The following C16orf95 variants were observed in gnomAD, a reference collection of about 807,000 sequenced individuals.
C16orf95 encodes the protein uncharacterized protein C16orf95.
Under a neutral mutation model 32.1 loss-of-function variants are expected in C16orf95, and 41 were observed. That is an observed-to-expected ratio of 1.28 (90% CI 1.00 to 1.66). C16orf95 has a LOEUF of 1.66. Among genes scored for constraint, C16orf95 ranks in the 40% most tolerant of loss-of-function variants. C16orf95 has a pLI of 0.00. For missense variants in C16orf95, 399 were observed against 325.9 expected (o/e 1.22, Z -1.73); for synonymous variants, 147 against 128.9 (o/e 1.14, Z -0.95).
chr16:87,305,218 G>A lies in C16orf95; in HGVS notation c.701+501C>T, dbSNP rs74038417. Among the ~76,000 whole-genome samples the A allele has an allele frequency of 0.2, 31,138 of 152,104 alleles. 3,320 individuals are homozygous for A. Among genetic ancestry groups the A allele is most frequent in the South Asian group, 0.32 (1,539 of 4,816 alleles). On this transcript the variant is annotated intron_variant, in intron 6 of 6. Transcript: ENST00000567970. The surrounding 1 kb of genome is among the most constrained non-coding windows in gnomAD (Gnocchi z 4.2). ...TGTGGGCAGCAAGGGTGCCAGGGGC[G>A]AAACTCGAAGCCTGGGCGAGGATAG... is the stretch of plus-strand genomic sequence containing the variant.
intron 3 of C16orf95, among the ~76,000 whole-genome samples, chr16:87,314,626 A>C (rs1053992772): frequency 2.6e-5 from 4 of 152,208 alleles, no homozygotes; most frequent in African/African-American, 9.6e-5. Flanking sequence ...GGCAAGACTT[A>C]CCACATTGTA....
chr16:87,314,946 A>G, intron 3 of C16orf95, 25 bp downstream of exon 3: 2 of 1,533,952 alleles, frequency 1.3e-6, no homozygotes, highest in Non-Finnish European at 1.7e-6. Flanking sequence ...CCCTAGGGGA[A>G]GACCTCCTGG....
At chr16:87,309,246 A>G (rs996957829) in intron 5 of C16orf95, among the ~76,000 whole-genome samples, 6 of 152,154 alleles carry the variant, frequency 3.9e-5, no homozygotes, top group Middle Eastern at 3.4e-3. Context: ...TAGCACCTCA[A>G]ATTAGATCCT....
chr16:87,313,428 AT>A (rs1487096776), intron 3 of C16orf95, among the ~76,000 whole-genome samples: 1 of 152,174 alleles, frequency 6.6e-6, no homozygotes, highest in African/African-American at 2.4e-5. Flanking sequence ...AGGCAGTGTA[AT>A]TTATTAAGAA....
Position 87,305,857 on chromosome 16 carries a change from C to A in C16orf95, c.563G>T (p.Gly188Val). The A allele has an allele frequency of 6.9e-7, 1 of 1,454,398 alleles. No homozygotes were observed. The allele number at this position is 1,454,398 out of a possible 1,614,324, so 90.1% of individuals were successfully genotyped here. The change falls in exon 6 of 7, where the codon GGT becomes GTT. Residue 188 changes from glycine to valine, a missense_variant. Physicochemically the swap from Gly to Val is moderately radical, Grantham distance 109. Coordinates refer to ENST00000567970, the MANE Select transcript of C16orf95 (RefSeq NM_001195124.3). The surrounding 1 kb of genome is among the most constrained non-coding windows in gnomAD (Gnocchi z 4.2). ...CCWHNCWRIC[G>V]DECLLSKFQQ... is the part of the protein sequence containing the mutation. The stretch of plus-strand genomic sequence containing the variant: ...GAACTTGGACAACAGGCACTCATCA[C>A]CGCAGATCCGCCAGCAGTTGTGCCA...
chr16:87,305,954 CTG>C lies in C16orf95; in HGVS notation c.515-51_515-50del. ...AGGACAGGGCGTGTTCTCCGGGACT[CTG>C]TGAGCCACGAGGAGGCTGCAACACC... On this transcript the variant is annotated intron_variant, in intron 5 of 6. Transcript: ENST00000567970. This position sits in a 1 kb window ranked among gnomAD's most constrained non-coding sequence, Gnocchi z 4.2. 5 of 1,338,510 alleles carry C rather than the reference CTG, an allele frequency of 3.7e-6. No homozygotes were observed. Among genetic ancestry groups the C allele is most frequent in the African/African-American group, 1.5e-5 (1 of 64,896 alleles). The allele number at this position is 1,338,510 out of a possible 1,614,324, so 82.9% of individuals were successfully genotyped here. A position where few individuals can be genotyped will look rare whatever the true frequency, so the allele number is the denominator to read the frequency against.
rs532992225 is a variant in C16orf95 at position 87,305,713 on chromosome 16, G to A, written c.701+6C>T. Reference sequence around the variant, plus strand: ...ACCCACTGTCCCCCATCCCCCACCTGCTCACCGAATGGCCATGATGACCCT... The same window carrying A: ...ACCCACTGTCCCCCATCCCCCACCTACTCACCGAATGGCCATGATGACCCT... On this transcript the variant is annotated splice_donor_region_variant and intron_variant, in intron 6 of 6. Coordinates refer to ENST00000567970, the MANE Select transcript of C16orf95 (RefSeq NM_001195124.3). This position sits in a 1 kb window ranked among gnomAD's most constrained non-coding sequence, Gnocchi z 4.2. 2.7e-6 allele frequency: 4 copies of A among 1,496,194 alleles called. No individual in the cohort carries two copies. Among genetic ancestry groups the A allele is most frequent in the African/African-American group, 2.9e-5 (2 of 70,114 alleles). The allele number at this position is 1,496,194 out of a possible 1,614,324, so 92.7% of individuals were successfully genotyped here. A position where few individuals can be genotyped will look rare whatever the true frequency, so the allele number is the denominator to read the frequency against.
intron 1 of C16orf95, 131 bp from the exon 2 acceptor site, chr16:87,315,954 G>T (rs923716676): frequency 5.9e-6 from 3 of 507,950 alleles, no homozygotes; most frequent in Admixed American, 3.9e-5. Context: ...GGGATGGGGG[G>T]ATCCTCTGAG....
chr16:87,310,838 G>A (rs149735583), intron 4 of C16orf95, among the ~76,000 whole-genome samples: 1 of 152,274 alleles, frequency 6.6e-6, no homozygotes, highest in Non-Finnish European at 1.5e-5. Context: ...TGCAGAGGGG[G>A]AGGAAGAGAG....
rs1315977775 is a variant in C16orf95 at position 87,305,721 on chromosome 16, A to G, written c.699T>C (p.Ile233=). ...TCCCCCATCCCCCACCTGCTCACCGAATGGCCATGATGACCCTCGGGATGG... is the reference window on the plus strand; with the variant it reads ...TCCCCCATCCCCCACCTGCTCACCGGATGGCCATGATGACCCTCGGGATGG... ...LQAIPRVIMA[I]RQCFGV is the part of the protein sequence containing the mutation. Residue 233 remains isoleucine, a splice_region_variant and synonymous_variant, in exon 6 of 7, where the codon ATT becomes ATC. Coordinates refer to ENST00000567970, the MANE Select transcript of C16orf95 (RefSeq NM_001195124.3). This position sits in a 1 kb window ranked among gnomAD's most constrained non-coding sequence, Gnocchi z 4.2. The G allele has an allele frequency of 1.3e-6, 2 of 1,502,642 alleles. No individual in the cohort carries two copies. Among genetic ancestry groups the G allele is most frequent in the Non-Finnish European group, 8.8e-7 (1 of 1,131,424 alleles). 93.1% of individuals were successfully genotyped at this position (1,502,642 alleles called of 1,614,324 possible).
At chr16:87,306,988 C>T (rs368432811) in intron 5 of C16orf95, among the ~76,000 whole-genome samples, 13 of 152,294 alleles carry the variant, frequency 8.5e-5, no homozygotes, top group South Asian at 2.1e-4. Context: ...TGTGATTCTA[C>T]GGTTCGAAGA....
chr16:87,306,156 A>C (rs150038719), intron 5 of C16orf95: 30 of 358,396 alleles, frequency 8.4e-5, no homozygotes, highest in African/African-American at 5.7e-4. Context: ...CAGCATATGG[A>C]ACATGTGCAA....
intron 3 of C16orf95, among the ~76,000 whole-genome samples, chr16:87,312,556 G>T (rs570607265): frequency 9.1e-4 from 115 of 125,978 alleles, no homozygotes; most frequent in African/African-American, 3.3e-3. Flanking sequence ...GCAGCAGAGT[G>T]AGACTCCATC....
chr16:87,307,256 G>C (rs1911069698), intron 5 of C16orf95, among the ~76,000 whole-genome samples: 1 of 152,162 alleles, frequency 6.6e-6, no homozygotes, highest in Non-Finnish European at 1.5e-5. Flanking sequence ...ATCAAGTCTA[G>C]CCTACTCCTT....
chr16:87,303,343 C>G (rs535682817), intron 6 of C16orf95: 2 of 482,768 alleles, frequency 4.1e-6, no homozygotes, highest in Non-Finnish European at 7.6e-6. Flanking sequence ...GCTGGCTTTG[C>G]AGAACTGTGA....
Position 87,305,984 on chromosome 16 carries a change from C to T in C16orf95, c.515-79G>A. 8.8e-7 allele frequency: 1 copy of T among 1,141,292 alleles called. No individual in the cohort carries two copies. Among genetic ancestry groups the T allele is most frequent in the Admixed American group, 3.8e-5 (1 of 26,192 alleles). The allele number at this position is 1,141,292 out of a possible 1,614,324, so 70.7% of individuals were successfully genotyped here. On this transcript the variant is annotated intron_variant, in intron 5 of 6. Coordinates refer to ENST00000567970, the MANE Select transcript of C16orf95 (RefSeq NM_001195124.3). This position sits in a 1 kb window ranked among gnomAD's most constrained non-coding sequence, Gnocchi z 4.2. ...AGCCACGAGGAGGCTGCAACACCAG[C>T]CCCAGAGCCTCCGGGAAATGGGGAC...
chr16:87,308,473 TCTCAATAAATAAATAA>T (rs1231234499), intron 5 of C16orf95, among the ~76,000 whole-genome samples: 1 of 141,802 alleles, frequency 7.1e-6, no homozygotes, highest in Non-Finnish European at 1.5e-5. Context: ...TGAGACTGCA[TCTCAATAAATAAATAA>T]ATAAATAAAT....
chr16:87,312,568 CA>C lies in C16orf95; in HGVS notation c.331-1273del, dbSNP rs71389850. 7.2e-3 allele frequency among the ~76,000 whole-genome samples: 622 copies of C among 86,020 alleles called. 3 individuals carry two copies. The highest frequency in any genetic ancestry group is 0.026 in the African/African-American group (496 of 19,234). 56.4% of individuals were successfully genotyped at this position (86,020 alleles called of 152,430 possible). ...TGAGCAGCAGAGTGAGACTCCATCT[CA>C]AAAAAAAAAAAAAAAAAGAAAGAAA... On this transcript the variant is annotated intron_variant, in intron 3 of 6. Coordinates refer to ENST00000567970, the MANE Select transcript of C16orf95 (RefSeq NM_001195124.3).
rs1904377615 is a variant in C16orf95 at position 87,317,119 on chromosome 16, C to G, written c.124G>C (p.Ala42Pro). ...GAGCVGLCRLALTPSAQDGRN... is the reference protein window; with the variant it reads ...GAGCVGLCRLPLTPSAQDGRN... The stretch of plus-strand genomic sequence containing the variant: ...CCATCCTGCGCGCTGGGTGTGAGTG[C>G]CAACCTGCAGAGCCCGACGCACCCC... The change falls in exon 1 of 7, where the codon GCA becomes CCA. Residue 42 changes from alanine (A) to proline (P), a missense_variant. Transcript: ENST00000567970. 5 of 1,531,216 alleles carry G rather than the reference C, an allele frequency of 3.3e-6. No homozygotes were observed. The highest frequency in any genetic ancestry group is 4.9e-5 in the East Asian group (2 of 40,668). The allele number at this position is 1,531,216 out of a possible 1,614,324, so 94.9% of individuals were successfully genotyped here.
Sources: gnomAD v4.1 joint callset for allele counts (sites outside exome capture counted in the v4.1 genomes callset) on GRCh38, gnomAD v4.1.1 for gene constraint, Gnocchi (gnomAD v3.1) non-coding constraint, MANE v1.5 for transcripts, NCBI Gene and HGNC (gene_info 2026-07-23, HGNC 2026-07-21) for gene names.